The following PTPRG variants were observed in gnomAD, a reference collection of about 807,000 sequenced individuals.
PTPRG encodes the protein receptor-type tyrosine-protein phosphatase gamma.
PTPRG carries 102 observed loss-of-function variants against 165.3 expected under a neutral mutation model. That is an observed-to-expected ratio of 0.62 (90% CI 0.53 to 0.73). PTPRG has a LOEUF of 0.73. PTPRG is among the 30% of genes least tolerant of loss of function. The pLI is 0.00. For missense variants in PTPRG, 1,866 were observed against 1,861.4 expected (o/e 1.00, Z -0.05); for synonymous variants, 675 against 669.5 (o/e 1.01, Z -0.13).
At chr3:61,753,877 T>G (rs1190607999) in intron 2 of PTPRG, among the ~76,000 whole-genome samples, 1 of 152,146 alleles carries the variant, frequency 6.6e-6, no homozygotes, top group Non-Finnish European at 1.5e-5. Context: ...ATTACAAGTG[T>G]GAGCCACCAC....
rs1373238434 is a variant in PTPRG at position 62,271,570 on chromosome 3, T to G, written c.3182+15T>G. ...GTGCACTGCAGGTAGGGTCTAGGAT[T>G]CAACATGTGAAATAGATGGGGCAGG... On this transcript the variant is annotated intron_variant, in intron 21 of 29. Coordinates refer to ENST00000474889, the MANE Select transcript of PTPRG (RefSeq NM_002841.4). The surrounding 1 kb of genome is among the most constrained non-coding windows in gnomAD (Gnocchi z 4.1). The G allele has an allele frequency of 6.2e-7, 1 of 1,606,746 alleles. No individual in the cohort carries two copies. The highest frequency in any genetic ancestry group is 8.5e-7 in the Non-Finnish European group (1 of 1,176,274).
At chr3:61,782,554 C>T (rs991880465) in intron 2 of PTPRG, among the ~76,000 whole-genome samples, 1 of 152,158 alleles carries the variant, frequency 6.6e-6, no homozygotes, top group African/African-American at 2.4e-5. Flanking sequence ...GTCTGGTGTA[C>T]AGCTAAACAA....
At chr3:62,071,197 G>T in intron 4 of PTPRG, among the ~76,000 whole-genome samples, 1 of 152,142 alleles carries the variant, frequency 6.6e-6, no homozygotes, top group East Asian at 1.9e-4. Context: ...CTATCTGCAT[G>T]CTGTTTCCTT....
intron 4 of PTPRG, among the ~76,000 whole-genome samples, chr3:62,010,470 C>A (rs918736500): frequency 4.0e-5 from 6 of 151,134 alleles, no homozygotes; most frequent in Non-Finnish European, 2.9e-5. Context: ...GTCCATATTC[C>A]TTTTAAGAAA....
chr3:61,838,245 G>A (rs926132270), intron 2 of PTPRG, among the ~76,000 whole-genome samples: 2 of 152,162 alleles, frequency 1.3e-5, no homozygotes, highest in Non-Finnish European at 2.9e-5. Flanking sequence ...GGGGAAGGTT[G>A]TGCTGTTGGG....
At chr3:62,279,072 C>G (rs1702336515) in intron 26 of PTPRG, among the ~76,000 whole-genome samples, 2 of 152,008 alleles carry the variant, frequency 1.3e-5, no homozygotes, top group Non-Finnish European at 2.9e-5. Context: ...TCATATACAA[C>G]TGACCTCTCA....
In PTPRG at chr3:61,671,727, C is replaced by T. The variant is rs1322495031; in HGVS notation, c.86-77151C>T. Among the ~76,000 whole-genome samples, 13 of 145,890 alleles carry T rather than the reference C, an allele frequency of 8.9e-5. No homozygotes were observed. In the East Asian group the frequency reaches 1.6e-3, roughly 18 times the overall value. The stretch of plus-strand genomic sequence containing the variant: ...CCCAGTAGGGGCGGCCGGGCAGAGG[C>T]GCCCCTCACCTCCTGGACGGGGCGG... On this transcript the variant is annotated intron_variant, in intron 1 of 29. Transcript: ENST00000474889.
Position 62,203,895 on chromosome 3 carries a change from T to A in PTPRG, c.2100T>A (p.Pro700=), listed in dbSNP as rs1010272533. 9 of 1,612,002 alleles carry A rather than the reference T, an allele frequency of 5.6e-6. No homozygotes were observed. In the African/African-American group the frequency reaches 1.2e-4, roughly 22 times the overall value. The change falls in exon 12 of 30, where the codon CCT becomes CCA. Residue 700 remains proline, a synonymous_variant. Transcript: ENST00000474889. This position sits in a 1 kb window ranked among gnomAD's most constrained non-coding sequence, Gnocchi z 6.4. ...GGCCCGAAATGCCATCTAAAAAGCCTATGTCCCGCGGGGACCGATTTTCTG... is the reference window on the plus strand; with the variant it reads ...GGCCCGAAATGCCATCTAAAAAGCCAATGTCCCGCGGGGACCGATTTTCTG... The part of the protein sequence containing the change: ...PKRPEMPSKK[P]MSRGDRFSED...
chr3:62,061,627 C>G (rs1007339006), intron 4 of PTPRG, among the ~76,000 whole-genome samples: 1 of 115,274 alleles, frequency 8.7e-6, no homozygotes, highest in South Asian at 3.4e-4. Flanking sequence ...TTTCTCTTTT[C>G]TTTTCTTTTT....
rs775293677 is a variant in PTPRG at position 62,273,058 on chromosome 3, C to T, written c.3295C>T (p.Arg1099Cys). The T allele has an allele frequency of 3.1e-6, 5 of 1,613,046 alleles. No homozygotes were observed. Among genetic ancestry groups the T allele is most frequent in the East Asian group, 4.5e-5 (2 of 44,840 alleles). The change falls in exon 22 of 30, where the codon CGT becomes TGT. Residue 1099 changes from arginine (R) to cysteine (C), a missense_variant. Around this residue, in one of 3 missense-constraint regions of PTPRG, gnomAD observed 1,452 missense variants for 1,463.0 expected, o/e 0.99. Coordinates refer to ENST00000474889, the MANE Select transcript of PTPRG (RefSeq NM_002841.4). This position sits in a 1 kb window ranked among gnomAD's most constrained non-coding sequence, Gnocchi z 4.1. ...LGFLKHIRTQ[R>C]NYLVQTEEQY... ...ATTCCTGAAGCATATCAGGACACAG[C>T]GTAACTACCTCGTCCAGACTGAGGT...
chr3:61,899,997 C>G (rs1242669021), intron 2 of PTPRG, among the ~76,000 whole-genome samples: 3 of 152,196 alleles, frequency 2.0e-5, no homozygotes, highest in African/African-American at 7.2e-5. Context: ...GACTGCAAAG[C>G]ACTTTGCAAA....
At chr3:61,712,302 A>G (rs2031604185) in intron 1 of PTPRG, among the ~76,000 whole-genome samples, 1 of 152,132 alleles carries the variant, frequency 6.6e-6, no homozygotes. Context: ...CATTTAACAG[A>G]TGCTAATATC....
intron 4 of PTPRG, among the ~76,000 whole-genome samples, chr3:62,045,472 T>C (rs1030824644): frequency 2.0e-5 from 3 of 152,222 alleles, no homozygotes; most frequent in African/African-American, 4.8e-5. Context: ...TTTCCCCTTT[T>C]AGTTCTTTAA....
At chr3:62,276,711 T>C (rs1702242716) in intron 24 of PTPRG, 1 of 459,784 alleles carries the variant, frequency 2.2e-6, no homozygotes. Context: ...TAAAGTATTC[T>C]GTTATTGATC....
At chr3:61,943,881 T>C (rs1464865975) in intron 2 of PTPRG, among the ~76,000 whole-genome samples, 2 of 152,202 alleles carry the variant, frequency 1.3e-5, no homozygotes, top group East Asian at 1.9e-4. Context: ...GTCTGAAGAA[T>C]AGAGAAAACA....
In PTPRG at chr3:61,568,907, CA is replaced by C. The variant is rs34433806; in HGVS notation, c.85+6550del. On this transcript the variant is annotated intron_variant, in intron 1 of 29. Coordinates refer to ENST00000474889, the MANE Select transcript of PTPRG (RefSeq NM_002841.4). ...TGTGCGACAGAGCAAGACTCCGTCTCAAAAAAAAAAAAAAAGATTCGTTTTA... is the reference window on the plus strand; with the variant it reads ...TGTGCGACAGAGCAAGACTCCGTCTCAAAAAAAAAAAAAAGATTCGTTTTA... 1.0e-2 allele frequency among the ~76,000 whole-genome samples: 1,309 copies of C among 130,936 alleles called. 17 individuals are homozygous for C. Among genetic ancestry groups the C allele is most frequent in the African/African-American group, 0.031 (1,088 of 35,310 alleles). The allele number at this position is 130,936 out of a possible 152,430, so 85.9% of individuals were successfully genotyped here.
intron 17 of PTPRG, 35 bp downstream of exon 17, chr3:62,262,929 A>T (rs1282618116): frequency 6.7e-7 from 1 of 1,495,662 alleles, no homozygotes; most frequent in Non-Finnish European, 9.3e-7. Flanking sequence ...TTCAACTGCG[A>T]GGAAATTAAA....
At chr3:62,221,240 G>C (rs1479689016) in intron 13 of PTPRG, among the ~76,000 whole-genome samples, 1 of 152,030 alleles carries the variant, frequency 6.6e-6, no homozygotes, top group African/African-American at 2.4e-5. Context: ...TATTATACAT[G>C]TATGCATATA....
Position 62,271,152 on chromosome 3 carries a change from T to C in PTPRG, c.3010-231T>C, listed in dbSNP as rs958578219. 5.3e-5 allele frequency among the ~76,000 whole-genome samples: 8 copies of C among 152,214 alleles called. No homozygotes were observed. The highest frequency in any genetic ancestry group is 8.8e-5 in the Non-Finnish European group (6 of 68,036). On this transcript the variant is annotated intron_variant, in intron 20 of 29. Coordinates refer to ENST00000474889, the MANE Select transcript of PTPRG (RefSeq NM_002841.4). The surrounding 1 kb of genome is among the most constrained non-coding windows in gnomAD (Gnocchi z 4.1). ...ACTGATACTAAATGTTCATTCTTAG[T>C]ACAATCTTAAACAGTCTTCTCTTCT...
Sources: allele counts gnomAD v4.1 joint callset (sites outside exome capture counted in the v4.1 genomes callset), GRCh38; gene constraint gnomAD v4.1.1; regional missense constraint gnomAD v4.1.1; non-coding constraint Gnocchi (gnomAD v3.1); transcripts MANE v1.5; gene names NCBI Gene and HGNC (gene_info 2026-07-23, HGNC 2026-07-21).